Variants in NUP160 observed in about 807,000 individuals in gnomAD.
NUP160 encodes the protein nuclear pore complex protein Nup160.
In NUP160, 94 loss-of-function variants were observed where a neutral mutation model predicts 196.9. The ratio of observed to expected loss-of-function variants is 0.48; its 90% confidence interval spans 0.40 to 0.57. NUP160 has a LOEUF of 0.57. Ranked by LOEUF, NUP160 falls within the 20% of genes least tolerant of loss-of-function variation. The probability of loss-of-function intolerance (pLI) is 0.00; values close to 1 mark genes in which losing one functional copy is unlikely to be tolerated. For synonymous variants in NUP160, 605 were observed against 619.7 expected, an observed-to-expected ratio of 0.98 and a Z score of 0.35; for missense variants, 1,638 against 1,748.3, an observed-to-expected ratio of 0.94 and a Z score of 1.13.
At chr11:47,829,212 G>C (rs932534676) in intron 7 of NUP160, among the ~76,000 whole-genome samples, 1 of 152,184 alleles carries the variant, frequency 6.6e-6, no homozygotes, top group African/African-American at 2.4e-5. Context: ...TAGAGATTTA[G>C]ATCCAGAATA....
At chr11:47,827,305 A>C (rs1851989949) in intron 7 of NUP160, 3 of 365,694 alleles carry the variant, frequency 8.2e-6, no homozygotes, top group African/African-American at 6.5e-5. Context: ...TGGAGGTTGC[A>C]GTGAGCTGAG....
At chr11:47,808,277 T>C in intron 18 of NUP160, 119 bp downstream of exon 18, 2 of 928,662 alleles carry the variant, frequency 2.2e-6, no homozygotes, top group South Asian at 3.4e-5. Flanking sequence ...AGCGAGACTC[T>C]GTCTCAAAAC....
At chr11:47,842,058 C>G (rs980723031) in intron 2 of NUP160, among the ~76,000 whole-genome samples, 1 of 152,044 alleles carries the variant, frequency 6.6e-6, no homozygotes, top group East Asian at 1.9e-4. Context: ...ATGCCTGGCC[C>G]TCTTACTTGA....
chr11:47,803,582 T>C, intron 21 of NUP160, 46 bp from the exon 22 acceptor site: 2 of 1,015,206 alleles, frequency 2.0e-6, no homozygotes, highest in Non-Finnish European at 3.1e-6. Context: ...TAAATGTTAC[T>C]TAAGGAGATA....
chr11:47,833,258 A>T (rs1467053294), intron 7 of NUP160, among the ~76,000 whole-genome samples: 3 of 152,102 alleles, frequency 2.0e-5, no homozygotes, highest in Admixed American at 1.3e-4. Flanking sequence ...GTTCGAGACC[A>T]GACTGGCCCA....
At chr11:47,846,528 T>A (rs767220929) in intron 2 of NUP160, among the ~76,000 whole-genome samples, 22 of 152,330 alleles carry the variant, frequency 1.4e-4, no homozygotes, top group Admixed American at 8.5e-4. Context: ...TTGTTCTCTC[T>A]TCTTTTACCA....
chr11:47,785,119 T>A, intron 32 of NUP160, 56 bp from the exon 33 acceptor site: 1 of 653,794 alleles, frequency 1.5e-6, no homozygotes, highest in Non-Finnish European at 2.3e-6. Context: ...CTATTTAGAG[T>A]ACCATTCAAA....
chr11:47,847,999 G>A lies in NUP160; in HGVS notation c.203-40C>T, dbSNP rs778078661. 3.3e-6 allele frequency: 5 copies of A among 1,506,340 alleles called. No individual in the cohort carries two copies. In the South Asian group the frequency reaches 5.6e-5, roughly 17 times the overall value. The allele number at this position is 1,506,340 out of a possible 1,614,324, so 93.3% of individuals were successfully genotyped here. On this transcript the variant is annotated intron_variant, in intron 1 of 35. Coordinates refer to ENST00000378460, the Ensembl canonical transcript of NUP160. ...TGGTCAGCCTGCACACGCGTCTTCT[G>A]AGAAATGACAGGGACTAAGGGAGCT...
rs1462765819 is a variant in NUP160, at chr11:47,848,105, G to C, written c.202+114C>G. ...GGACATCAAGGAATCTCTGATCCCG[G>C]GGCTAGAGGCATGTGGACTCAGGAG... On this transcript the variant is annotated intron_variant, in intron 1 of 35. Transcript: ENST00000378460. 3.0e-6 allele frequency: 4 copies of C among 1,345,358 alleles called. No individual in the cohort carries two copies. In the East Asian group the frequency reaches 6.9e-5, roughly 23 times the overall value. The allele number at this position is 1,345,358 out of a possible 1,614,324, so 83.3% of individuals were successfully genotyped here. A position where few individuals can be genotyped will look rare whatever the true frequency, so the allele number is the denominator to read the frequency against.
At chr11:47,806,309 G>C (rs1196698469) in exon 20 of NUP160, 2 of 1,608,210 alleles carry the variant, frequency 1.2e-6, no homozygotes, top group Non-Finnish European at 1.7e-6. Flanking sequence ...CTGAGGACTA[G>C]ATACTTAAAA....
chr11:47,815,802 T>C, intron 12 of NUP160, 144 bp downstream of exon 12: 1 of 895,580 alleles, frequency 1.1e-6, no homozygotes, highest in Non-Finnish European at 1.7e-6. Flanking sequence ...AATGTGTATC[T>C]GATTCTCTAG....
intron 8 of NUP160, 30 bp from the exon 9 acceptor site, chr11:47,821,851 A>G: frequency 1.3e-6 from 2 of 1,540,472 alleles, no homozygotes; most frequent in Non-Finnish European, 1.8e-6. Context: ...AAAAAGGGAT[A>G]AAATAAGAAA....
At chr11:47,831,699 C>G (rs1168107071) in intron 7 of NUP160, among the ~76,000 whole-genome samples, 1 of 151,754 alleles carries the variant, frequency 6.6e-6, no homozygotes, top group Non-Finnish European at 1.5e-5. Flanking sequence ...AAAACTTAGC[C>G]AGGCATGGTG....
chr11:47,809,759 G>A (rs185865197), intron 17 of NUP160, among the ~76,000 whole-genome samples: 3,990 of 47,432 alleles, frequency 0.084, 200 homozygotes, highest in South Asian at 0.17. Context: ...AAAAAAAAAA[G>A]ATGTGCGGAA....
At chr11:47,805,149 A>G (rs2097676725) in intron 20 of NUP160, among the ~76,000 whole-genome samples, 1 of 150,328 alleles carries the variant, frequency 6.7e-6, no homozygotes, top group African/African-American at 2.5e-5. Flanking sequence ...TTTTTTTTTG[A>G]GACAGAGTCT....
intron 2 of NUP160, among the ~76,000 whole-genome samples, chr11:47,842,901 T>C (rs1852332792): frequency 6.6e-6 from 1 of 151,990 alleles, no homozygotes; most frequent in Non-Finnish European, 1.5e-5. Context: ...GATGGGAGGA[T>C]CGATTGAGCC....
rs545018817 is a variant in NUP160, at chr11:47,783,027, C to A, written c.4116+46G>T. On this transcript the variant is annotated intron_variant, in intron 34 of 35. Coordinates refer to ENST00000378460, the Ensembl canonical transcript of NUP160. ...TCAAACCACTGTAAAGTTGAAAAAT[C>A]GTAAGTCAAACCATTGTAAATTGGG... 7.5e-5 allele frequency: 115 copies of A among 1,530,834 alleles called. No individual in the cohort carries two copies. In the South Asian group the frequency reaches 1.2e-3, roughly 16 times the overall value. 94.8% of individuals were successfully genotyped at this position (1,530,834 alleles called of 1,614,324 possible).
exon 36 of NUP160, chr11:47,779,014 C>A: frequency 3.5e-6 from 3 of 860,818 alleles, no homozygotes; most frequent in Non-Finnish European, 5.9e-6. Flanking sequence ...TTTACAGTTA[C>A]AAAAATCGGC....
chr11:47,816,114 A>G (rs1458460964), intron 11 of NUP160, 85 bp from the exon 12 acceptor site: 2 of 863,746 alleles, frequency 2.3e-6, no homozygotes, highest in African/African-American at 1.7e-5. Context: ...TAGAGGCAAT[A>G]TAAAACTATA....
Sources: allele counts gnomAD v4.1 joint callset (sites outside exome capture counted in the v4.1 genomes callset), GRCh38; gene constraint gnomAD v4.1.1; transcripts MANE v1.5; gene names NCBI Gene and HGNC (gene_info 2026-07-23, HGNC 2026-07-21).